Variants in SLC24A1 observed in about 807,000 individuals in gnomAD.
The protein encoded by SLC24A1 is sodium/potassium/calcium exchanger 1.
SLC24A1 carries 52 observed loss-of-function variants against 88.1 expected under a neutral mutation model. That is an observed-to-expected ratio of 0.59 (90% CI 0.47 to 0.74). The LOEUF is 0.74. Among genes scored for constraint, SLC24A1 ranks in the 30% least tolerant of loss-of-function variants. SLC24A1 has a pLI of 0.00. For missense variants in SLC24A1, 1,173 were observed against 1,363.3 expected (o/e 0.86, Z 2.20); for synonymous variants, 455 against 498.0 (o/e 0.91, Z 1.15).
chr15:65,654,519 A>T lies in SLC24A1; in HGVS notation c.*440A>T. The T allele has an allele frequency of 1.7e-6, 2 of 1,184,224 alleles. No individual in the cohort carries two copies. Among genetic ancestry groups the T allele is most frequent in the Non-Finnish European group, 2.1e-6 (2 of 943,872 alleles). The allele number at this position is 1,184,224 out of a possible 1,614,324, so 73.4% of individuals were successfully genotyped here. ...AGCCTTCCTGACCTCTGCCCCAAAC[A>T]CACGCTGCAATTTTGTCTCCTCCTT... On this transcript the variant is annotated 3_prime_UTR_variant, in exon 10 of 10. Coordinates refer to ENST00000261892, the MANE Select transcript of SLC24A1 (RefSeq NM_004727.3).
intron 9 of SLC24A1, 139 bp from the exon 10 acceptor site, chr15:65,653,691 A>T (rs2075583499): frequency 1.2e-6 from 1 of 838,994 alleles, no homozygotes; most frequent in Admixed American, 2.6e-5. Context: ...CTTGTCTGTG[A>T]AATGGGGCTA....
At chr15:65,651,934 A>G in intron 8 of SLC24A1, 175 bp downstream of exon 8, 1 of 633,738 alleles carries the variant, frequency 1.6e-6, no homozygotes, top group South Asian at 1.5e-5. Context: ...AGTGCTTCTC[A>G]AGTGTGGCTT....
chr15:65,634,638 C>T lies in SLC24A1; in HGVS notation c.1891-3490C>T, dbSNP rs575826580. 4.0e-5 allele frequency among the ~76,000 whole-genome samples: 6 copies of T among 149,348 alleles called. No homozygotes were observed. The South Asian group carries it at 8.4e-4, about 21-fold the overall frequency. On this transcript the variant is annotated intron_variant, in intron 2 of 9. Transcript: ENST00000261892. ...ATTCATGTCCATTTGCCTGAAATGT[C>T]GAAATATGAAATAGAGCCACTAGGG...
intron 2 of SLC24A1, among the ~76,000 whole-genome samples, chr15:65,634,890 G>C (rs763658966): frequency 1.2e-4 from 18 of 152,116 alleles, no homozygotes; most frequent in Non-Finnish European, 2.5e-4. Flanking sequence ...GAATCATTCT[G>C]CATCTCAGTT....
At chr15:65,617,518 G>C (rs2074187372), upstream of SLC24A1, among the ~76,000 whole-genome samples, 1 of 152,024 alleles carries the variant, frequency 6.6e-6, no homozygotes. Flanking sequence ...CTCATGATTT[G>C]GCTCTGTTTG....
At chr15:65,635,477 A>AAAG (rs2074900320) in intron 2 of SLC24A1, among the ~76,000 whole-genome samples, 1 of 147,028 alleles carries the variant, frequency 6.8e-6, no homozygotes, top group Non-Finnish European at 1.5e-5. Context: ...AAAAGAAAAA[A>AAAG]AAAGAAAGAA....
At chr15:65,626,623 G>C (rs2074528913) in intron 2 of SLC24A1, among the ~76,000 whole-genome samples, 1 of 152,166 alleles carries the variant, frequency 6.6e-6, no homozygotes, top group Non-Finnish European at 1.5e-5. Context: ...CTGGAGACCA[G>C]ACACCAGGAG....
In SLC24A1 at chr15:65,624,182, C is replaced by T. The variant is rs184400840; in HGVS notation, c.102C>T (p.Ile34=). The change falls in exon 2 of 10, where the codon ATC becomes ATT. Residue 34 remains isoleucine, a synonymous_variant. Coordinates refer to ENST00000261892, the MANE Select transcript of SLC24A1 (RefSeq NM_004727.3). ...RLLFLLGMLI[I]GSTYQHLRRP... ...TCTTCTTACTGGGAATGTTGATCAT[C>T]GGTTCTACTTATCAGCACCTTAGGA... 36 of 1,613,866 alleles carry T rather than the reference C, an allele frequency of 2.2e-5. No homozygotes were observed. The South Asian group carries it at 2.7e-4, about 12-fold the overall frequency.
chr15:65,620,605 G>C (rs893973168), upstream of SLC24A1, among the ~76,000 whole-genome samples: 4 of 152,154 alleles, frequency 2.6e-5, no homozygotes, highest in African/African-American at 9.7e-5. Flanking sequence ...TAATAAGACA[G>C]AAGAAACTGG....
intron 2 of SLC24A1, among the ~76,000 whole-genome samples, chr15:65,614,709 C>CTT (rs2074079339): frequency 6.6e-6 from 1 of 152,218 alleles, no homozygotes; most frequent in South Asian, 2.1e-4. Context: ...TTCCAACTAA[C>CTT]TTTGCCTCTG....
rs1323155946 is a variant in SLC24A1, at chr15:65,654,815, C to T, written c.*736C>T. 2 of 1,035,534 alleles carry T rather than the reference C, an allele frequency of 1.9e-6. No individual in the cohort carries two copies. Among genetic ancestry groups the T allele is most frequent in the South Asian group, 2.9e-5 (2 of 68,010 alleles). 64.1% of individuals were successfully genotyped at this position (1,035,534 alleles called of 1,614,324 possible). On this transcript the variant is annotated 3_prime_UTR_variant, in exon 10 of 10. Transcript: ENST00000261892. ...TCACCTCCCCGGTTCAAGCAATTCT[C>T]CTGCCTCAGCCTGAAGTCGTGATCT...
rs2074484948 is a variant in SLC24A1 at position 65,625,616 on chromosome 15, C to T, written c.1536C>T (p.Ser512=). The change falls in exon 2 of 10, where the codon TCC becomes TCT. Residue 512 remains serine, a synonymous_variant. Coordinates refer to ENST00000261892, the MANE Select transcript of SLC24A1 (RefSeq NM_004727.3). The stretch of plus-strand genomic sequence containing the variant: ...GCTCTGCTCCTGAGCTCTTCACCTC[C>T]CTCATCGGTGTCTTCATTTCCCACA... The part of the protein sequence containing the change: ...AGGSAPELFT[S]LIGVFISHSN... 3 of 1,613,898 alleles carry T rather than the reference C, an allele frequency of 1.9e-6. No individual in the cohort carries two copies. The highest frequency in any genetic ancestry group is 1.3e-5 in the African/African-American group (1 of 74,918).
chr15:65,650,439 G>C lies in SLC24A1; in HGVS notation c.2290G>C (p.Ala764Pro). Residue 764 changes from alanine to proline, a missense_variant, in exon 7 of 10, where the codon GCT becomes CCT. Ala to Pro is a conservative substitution (Grantham distance 27). Coordinates refer to ENST00000261892, the MANE Select transcript of SLC24A1 (RefSeq NM_004727.3). This position sits in a 1 kb window ranked among gnomAD's most constrained non-coding sequence, Gnocchi z 4.1. The stretch of plus-strand genomic sequence containing the variant: ...AATGCCAGGCGAAGAGGGCGAAACT[G>C]CTGGTGAAGGTGAAACTGAAGAGAA... ...GEMPGEEGET[A>P]GEGETEEKSG... 6.4e-7 allele frequency: 1 copy of C among 1,551,742 alleles called. No individual in the cohort carries two copies.
Position 65,655,451 on chromosome 15 carries a change from A to G in SLC24A1, c.*1372A>G. ...TTCCAAGGTAGCTAGTGTAAAGGAC[A>G]CTTGAGTTTTTAAAACTGTGGTTAA... is the stretch of plus-strand genomic sequence containing the variant. On this transcript the variant is annotated 3_prime_UTR_variant, in exon 10 of 10. Coordinates refer to ENST00000261892, the MANE Select transcript of SLC24A1 (RefSeq NM_004727.3). 1.0e-6 allele frequency: 1 copy of G among 985,364 alleles called. No homozygotes were observed. Among genetic ancestry groups the G allele is most frequent in the Non-Finnish European group, 1.2e-6 (1 of 829,846 alleles). 61.0% of individuals were successfully genotyped at this position (985,364 alleles called of 1,614,324 possible).
chr15:65,650,400 G>A lies in SLC24A1; in HGVS notation c.2251G>A (p.Glu751Lys), dbSNP rs778860354. 5 of 1,551,392 alleles carry A rather than the reference G, an allele frequency of 3.2e-6. No homozygotes were observed. The highest frequency in any genetic ancestry group is 2.4e-5 in the East Asian group (1 of 40,920). ...ATTGCAGGAAGATGTGGCTGAGGCC[G>A]AGAGCACAGGTGAAATGCCAGGCGA... Reference protein sequence around the residue: ...PGGQEDVAEAESTGEMPGEEG... With the variant: ...PGGQEDVAEAKSTGEMPGEEG... The change falls in exon 7 of 10, where the codon GAG (glutamate) becomes AAG (lysine). Residue 751 changes from glutamate to lysine, a missense_variant. Glu to Lys is a moderately conservative substitution (Grantham distance 56). Coordinates refer to ENST00000261892, the MANE Select transcript of SLC24A1 (RefSeq NM_004727.3). This position sits in a 1 kb window ranked among gnomAD's most constrained non-coding sequence, Gnocchi z 4.1.
rs1418421290 is a variant in SLC24A1, at chr15:65,625,056, A to G, written c.976A>G (p.Ser326Gly). The G allele has an allele frequency of 6.2e-7, 1 of 1,613,768 alleles. No individual in the cohort carries two copies. The highest frequency in any genetic ancestry group is 1.3e-5 in the African/African-American group (1 of 75,018). Residue 326 changes from serine to glycine, a missense_variant, in exon 2 of 10, where the codon AGC (serine) becomes GGC (glycine). Ser to Gly is a moderately conservative substitution (Grantham distance 56, BLOSUM62 0). Coordinates refer to ENST00000261892, the MANE Select transcript of SLC24A1 (RefSeq NM_004727.3). Reference protein sequence around the residue: ...PATSEGQVTISTMTGSSPAET... With the variant: ...PATSEGQVTIGTMTGSSPAET... ...CACCTCTGAGGGGCAGGTGACAATA[A>G]GCACCATGACAGGCAGCAGCCCAGC... is the stretch of plus-strand genomic sequence containing the variant.
chr15:65,648,620 T>G (rs111974304), intron 6 of SLC24A1, among the ~76,000 whole-genome samples: 9,754 of 152,076 alleles, frequency 0.064, 341 homozygotes, highest in African/African-American at 0.096. Flanking sequence ...GAGCTGGAAT[T>G]ACAGGCACTT....
chr15:65,640,510 C>G (rs2075088803), intron 4 of SLC24A1, among the ~76,000 whole-genome samples: 1 of 152,156 alleles, frequency 6.6e-6, no homozygotes, highest in South Asian at 2.1e-4. Context: ...CTCTGGGGCT[C>G]TGGTGCAGAA....
At chr15:65,617,711 C>A (rs182494855), upstream of SLC24A1, among the ~76,000 whole-genome samples, 52 of 152,202 alleles carry the variant, frequency 3.4e-4, no homozygotes, top group African/African-American at 1.1e-3. Flanking sequence ...AATTGAATAC[C>A]CTTTATTTCT....
Sources: allele counts gnomAD v4.1 joint callset (sites outside exome capture counted in the v4.1 genomes callset), GRCh38; gene constraint gnomAD v4.1.1; non-coding constraint Gnocchi (gnomAD v3.1); transcripts MANE v1.5; gene names NCBI Gene and HGNC (gene_info 2026-07-23, HGNC 2026-07-21).